HECW2: variants seen among roughly 807,000 people sequenced by gnomAD.
The protein encoded by HECW2 is E3 ubiquitin-protein ligase HECW2.
A neutral mutation model predicts 175.2 loss-of-function variants in HECW2; 61 were observed. The observed-to-expected ratio is 0.35, with a 90% CI of 0.28 to 0.43. HECW2 has a LOEUF of 0.43. Among genes scored for constraint, HECW2 ranks in the 20% least tolerant of loss-of-function variants. HECW2 has a pLI of 1.00. For missense variants in HECW2, 1,524 were observed against 2,000.5 expected, an observed-to-expected ratio of 0.76 and a Z score of 4.54; for synonymous variants, 671 against 731.0, an observed-to-expected ratio of 0.92 and a Z score of 1.32.
intron 1 of HECW2, among the ~76,000 whole-genome samples, chr2:196,546,227 T>G (rs1689416689): frequency 6.6e-6 from 1 of 152,192 alleles, no homozygotes. Context: ...GACCTCCCCT[T>G]AGTGCCACTT....
At chr2:196,429,664 T>C (rs1406344008) in intron 2 of HECW2, among the ~76,000 whole-genome samples, 1 of 152,214 alleles carries the variant, frequency 6.6e-6, no homozygotes, top group East Asian at 1.9e-4. Flanking sequence ...GAGAAACTTA[T>C]GAGGTGACTC....
At chr2:196,467,978 C>T (rs534268502) in intron 1 of HECW2, among the ~76,000 whole-genome samples, 2 of 152,222 alleles carry the variant, frequency 1.3e-5, no homozygotes, top group African/African-American at 2.4e-5. Flanking sequence ...TACAAATAGC[C>T]AGTAGCCGGT....
chr2:196,526,731 C>T (rs1688665387), intron 1 of HECW2, among the ~76,000 whole-genome samples: 1 of 151,628 alleles, frequency 6.6e-6, no homozygotes, highest in Admixed American at 6.6e-5. Flanking sequence ...GTTGGAATAC[C>T]CTGCCCTGTG....
chr2:196,203,342 T>C (rs1052695489), intron 28 of HECW2, among the ~76,000 whole-genome samples: 2 of 152,146 alleles, frequency 1.3e-5, no homozygotes, highest in African/African-American at 4.8e-5. Context: ...TATTTAAAAA[T>C]TCAACTTGTA....
At chr2:196,355,853 C>T (rs73988185) in intron 2 of HECW2, among the ~76,000 whole-genome samples, 2,150 of 152,092 alleles carry the variant, frequency 0.014, 58 homozygotes, top group African/African-American at 0.049. Context: ...AGAAAGAAAG[C>T]TTGGGAATGG....
chr2:196,401,911 G>A (rs1165735347), intron 2 of HECW2, among the ~76,000 whole-genome samples: 1 of 152,096 alleles, frequency 6.6e-6, no homozygotes, highest in East Asian at 1.9e-4. Flanking sequence ...GTCATAAGAA[G>A]GGAAACTTGC....
At chr2:196,345,133 T>C (rs1363183548) in intron 2 of HECW2, among the ~76,000 whole-genome samples, 4 of 152,220 alleles carry the variant, frequency 2.6e-5, no homozygotes, top group Non-Finnish European at 4.4e-5. Flanking sequence ...AACCCATTCA[T>C]GGCATCACAT....
chr2:196,264,865 T>A (rs935691974), intron 17 of HECW2, among the ~76,000 whole-genome samples: 4 of 152,232 alleles, frequency 2.6e-5, no homozygotes, highest in African/African-American at 9.6e-5. Context: ...AGATGACAGG[T>A]TCTAAGAATC....
At chr2:196,228,710 T>G (rs1687941929) in intron 21 of HECW2, among the ~76,000 whole-genome samples, 2 of 152,186 alleles carry the variant, frequency 1.3e-5, no homozygotes, top group African/African-American at 4.8e-5. Flanking sequence ...ATCTGAAATA[T>G]TTTTAAATGG....
chr2:196,524,294 T>C (rs1688545220), intron 1 of HECW2, among the ~76,000 whole-genome samples: 1 of 124,222 alleles, frequency 8.1e-6, no homozygotes. Context: ...CTGATGGTAG[T>C]TTGTATTTCT....
At position 196,576,207 on chromosome 2, in the gene HECW2, C is replaced by T. The variant is rs376847689; in HGVS notation, c.-36+17301G>A. ...GTACCCCAAGAGCAATAAGCTATAC[C>T]ATATATACCATATAGCCTAAGTGTG... is the stretch of plus-strand genomic sequence containing the variant. On this transcript the variant is annotated intron_variant, in intron 1 of 28. Coordinates refer to ENST00000644978, the MANE Select transcript of HECW2 (RefSeq NM_001348768.2). Among the ~76,000 whole-genome samples the T allele has an allele frequency of 1.4e-4, 22 of 152,124 alleles. No individual in the cohort carries two copies. In the East Asian group the frequency reaches 2.9e-3, roughly 20 times the overall value.
intron 2 of HECW2, among the ~76,000 whole-genome samples, chr2:196,431,084 A>G (rs767865143): frequency 1.3e-5 from 2 of 152,234 alleles, no homozygotes; most frequent in Non-Finnish European, 2.9e-5. Context: ...ACAAAGACAC[A>G]ATGATAACTT....
At chr2:196,517,567 C>T (rs1306276363) in intron 1 of HECW2, among the ~76,000 whole-genome samples, 1 of 152,098 alleles carries the variant, frequency 6.6e-6, no homozygotes, top group Admixed American at 6.5e-5. Flanking sequence ...TAGCTTAGAG[C>T]CTTTGGCAAG....
chr2:196,223,895 T>C (rs1023532873), intron 23 of HECW2, among the ~76,000 whole-genome samples: 1 of 152,188 alleles, frequency 6.6e-6, no homozygotes, highest in East Asian at 1.9e-4. Context: ...GGCAAACATG[T>C]AGCAATCAGG....
intron 2 of HECW2, among the ~76,000 whole-genome samples, chr2:196,360,857 C>T (rs1693563207): frequency 6.6e-6 from 1 of 152,168 alleles, no homozygotes; most frequent in Admixed American, 6.5e-5. Context: ...TAAGTCTTTA[C>T]TAAATCTTCA....
At chr2:196,362,171 C>T (rs2105885553) in intron 2 of HECW2, 2 of 985,414 alleles carry the variant, frequency 2.0e-6, no homozygotes, top group South Asian at 9.4e-5. Flanking sequence ...GTCCAGGCAT[C>T]CTAAGTGAAA....
At chr2:196,552,814 T>A (rs1217020341) in intron 1 of HECW2, among the ~76,000 whole-genome samples, 1 of 152,224 alleles carries the variant, frequency 6.6e-6, no homozygotes, top group African/African-American at 2.4e-5. Flanking sequence ...AGAGGGTGAA[T>A]CTTTCCTCTT....
chr2:196,327,977 A>C (rs1464202470), intron 5 of HECW2, among the ~76,000 whole-genome samples: 3 of 152,180 alleles, frequency 2.0e-5, no homozygotes, highest in African/African-American at 7.2e-5. Flanking sequence ...GCTTAGAATG[A>C]TACGGATCAC....
intron 1 of HECW2, among the ~76,000 whole-genome samples, chr2:196,504,887 G>GA (rs971081024): frequency 1.4e-4 from 20 of 147,618 alleles, no homozygotes; most frequent in South Asian, 1.1e-3. Flanking sequence ...TTTTCAGGCT[G>GA]AAAAAAAAAA....
Sources: gnomAD v4.1 joint callset for allele counts (sites outside exome capture counted in the v4.1 genomes callset) on GRCh38, gnomAD v4.1.1 for gene constraint, MANE v1.5 for transcripts, NCBI Gene and HGNC (gene_info 2026-07-23, HGNC 2026-07-21) for gene names.